EFCAB6: variants seen among roughly 807,000 people sequenced by gnomAD.
EFCAB6 encodes EF-hand calcium binding domain 6.
A neutral mutation model predicts 169.8 loss-of-function variants in EFCAB6; 156 were observed. The observed-to-expected ratio is 0.92, with a 90% confidence interval of 0.81 to 1.05. EFCAB6 has a LOEUF of 1.05. Ranked by LOEUF, EFCAB6 falls within the 50% of genes least tolerant of loss-of-function variation. EFCAB6 has a pLI of 0.00. For synonymous variants in EFCAB6, 698 were observed against 676.4 expected, an observed-to-expected ratio of 1.03 and a Z score of -0.50; for missense variants, 1,800 against 1,829.1, an observed-to-expected ratio of 0.98 and a Z score of 0.29.
intron 22 of EFCAB6, among the ~76,000 whole-genome samples, chr22:43,603,064 A>G: frequency 6.6e-6 from 1 of 152,116 alleles, no homozygotes; most frequent in East Asian, 1.9e-4. Flanking sequence ...TTGGGCTAAG[A>G]AAAGTGAAGG....
chr22:43,637,722 A>G (rs2055519760), intron 17 of EFCAB6, among the ~76,000 whole-genome samples: 2 of 152,332 alleles, frequency 1.3e-5, no homozygotes, highest in South Asian at 4.1e-4. Context: ...TGCCATCTGC[A>G]CATGGTCCCC....
At chr22:43,699,952 C>T (rs924435134) in intron 10 of EFCAB6, among the ~76,000 whole-genome samples, 5 of 152,274 alleles carry the variant, frequency 3.3e-5, no homozygotes, top group African/African-American at 7.2e-5. Context: ...GTATGATCTC[C>T]GGCGAATACG....
intron 23 of EFCAB6, among the ~76,000 whole-genome samples, chr22:43,590,638 G>T (rs1602463706): frequency 6.6e-6 from 1 of 150,658 alleles, no homozygotes. Flanking sequence ...CATGTCTGGT[G>T]AATCAAAGAG....
At chr22:43,798,173 C>T (rs2062578520) in intron 2 of EFCAB6, among the ~76,000 whole-genome samples, 1 of 152,012 alleles carries the variant, frequency 6.6e-6, no homozygotes, top group Admixed American at 6.6e-5. Flanking sequence ...ATCACAAGGT[C>T]AGGAGTTCAA....
chr22:43,711,154 T>C (rs1334483378), intron 10 of EFCAB6, among the ~76,000 whole-genome samples: 2 of 152,168 alleles, frequency 1.3e-5, no homozygotes, highest in Non-Finnish European at 2.9e-5. Flanking sequence ...AAACTGTATT[T>C]TCACCTTGTT....
At chr22:43,806,263 A>G (rs2062919126) in intron 2 of EFCAB6, among the ~76,000 whole-genome samples, 1 of 151,454 alleles carries the variant, frequency 6.6e-6, no homozygotes, top group Non-Finnish European at 1.5e-5. Flanking sequence ...ACTGAAATTC[A>G]ATTTTTTTTT....
intron 17 of EFCAB6, among the ~76,000 whole-genome samples, chr22:43,638,275 A>C (rs1329477692): frequency 6.6e-6 from 1 of 152,244 alleles, no homozygotes; most frequent in Non-Finnish European, 1.5e-5. Flanking sequence ...AGGAAGGCTC[A>C]CCAGCAAAGT....
At chr22:43,769,856 A>AT (rs11394966) in intron 4 of EFCAB6, among the ~76,000 whole-genome samples, 39,501 of 143,596 alleles carry the variant, frequency 0.28, 6,200 homozygotes, top group East Asian at 0.64. Context: ...AGGTGAGCTA[A>AT]TTTTTTTTTT....
intron 19 of EFCAB6, among the ~76,000 whole-genome samples, chr22:43,630,188 G>A (rs916248333): frequency 6.6e-5 from 10 of 152,162 alleles, no homozygotes; most frequent in African/African-American, 9.6e-5. Context: ...ATTGAGACCC[G>A]TGCTTTGTCC....
chr22:43,729,348 C>G (rs1246587775), intron 8 of EFCAB6, among the ~76,000 whole-genome samples: 2 of 152,166 alleles, frequency 1.3e-5, no homozygotes, highest in Admixed American at 6.5e-5. Context: ...CCTCCTGCCT[C>G]AGCCTCCCAA....
intron 23 of EFCAB6, among the ~76,000 whole-genome samples, chr22:43,595,386 A>G (rs1463331399): frequency 6.6e-6 from 1 of 152,148 alleles, no homozygotes; most frequent in African/African-American, 2.4e-5. Flanking sequence ...GACTATGAAA[A>G]AAAGAAAGTC....
At chr22:43,793,557 C>T (rs558277788) in intron 2 of EFCAB6, among the ~76,000 whole-genome samples, 1 of 152,282 alleles carries the variant, frequency 6.6e-6, no homozygotes, top group South Asian at 2.1e-4. Context: ...TAGTCACTCA[C>T]CATTTAACTC....
intron 15 of EFCAB6, 59 bp downstream of exon 15, chr22:43,671,913 AT>A: frequency 6.4e-7 from 1 of 1,567,600 alleles, no homozygotes; most frequent in African/African-American, 1.4e-5. Context: ...AAGGTTTAGA[AT>A]TATGGAACAG....
intron 3 of EFCAB6, among the ~76,000 whole-genome samples, chr22:43,778,231 A>G (rs1417439946): frequency 6.6e-6 from 1 of 152,200 alleles, no homozygotes; most frequent in Non-Finnish European, 1.5e-5. Flanking sequence ...GATGGATGAG[A>G]TTCCCAGGGA....
In EFCAB6 at chr22:43,546,339, A is replaced by C. The variant is rs567253353; in HGVS notation, c.3649-5982T>G. Among the ~76,000 whole-genome samples, 9 of 152,338 alleles carry C rather than the reference A, an allele frequency of 5.9e-5. No homozygotes were observed. In the East Asian group the frequency reaches 1.5e-3, roughly 26 times the overall value. On this transcript the variant is annotated intron_variant, in intron 27 of 31. Coordinates refer to ENST00000262726, the MANE Select transcript of EFCAB6 (RefSeq NM_022785.4). ...AGATAGAGTACAACAGTCCTTGTCA[A>C]ACCTAAGCACATCAGAGCCGCCTGG...
At chr22:43,584,220 GAGA>G (rs1016703515) in intron 24 of EFCAB6, among the ~76,000 whole-genome samples, 3 of 152,170 alleles carry the variant, frequency 2.0e-5, no homozygotes, top group African/African-American at 4.8e-5. Flanking sequence ...GAGGGAGGAG[GAGA>G]AGAAGTGAGG....
intron 17 of EFCAB6, among the ~76,000 whole-genome samples, chr22:43,636,153 C>T (rs1384628395): frequency 6.6e-6 from 1 of 152,138 alleles, no homozygotes; most frequent in Non-Finnish European, 1.5e-5. Context: ...GAACAGGGGA[C>T]GGAAGGCTTT....
chr22:43,635,671 C>T (rs1411619234), intron 17 of EFCAB6, among the ~76,000 whole-genome samples: 4 of 152,100 alleles, frequency 2.6e-5, no homozygotes, highest in Admixed American at 1.3e-4. Flanking sequence ...ACATGAAAAG[C>T]GGCTGTGTTT....
chr22:43,699,747 G>A (rs1326349922), intron 10 of EFCAB6, among the ~76,000 whole-genome samples: 1 of 152,098 alleles, frequency 6.6e-6, no homozygotes, highest in Admixed American at 6.5e-5. Flanking sequence ...CTAAACACGT[G>A]GGTTACCACG....
Sources: allele counts gnomAD v4.1 joint callset (sites outside exome capture counted in the v4.1 genomes callset), GRCh38; gene constraint gnomAD v4.1.1; transcripts MANE v1.5; gene names NCBI Gene and HGNC (gene_info 2026-07-23, HGNC 2026-07-21).